RALGAPA2: variants seen among roughly 807,000 people sequenced by gnomAD.
RALGAPA2 encodes ral GTPase-activating protein subunit alpha-2.
In RALGAPA2, 139 loss-of-function variants were observed where a neutral mutation model predicts 230.4. The observed-to-expected ratio is 0.60, with a 90% confidence interval of 0.53 to 0.69. RALGAPA2 has a LOEUF of 0.69. Among genes scored for constraint, RALGAPA2 ranks in the 30% least tolerant of loss-of-function variants. RALGAPA2 has a pLI of 0.00. For missense variants in RALGAPA2, 2,163 were observed against 2,276.0 expected (o/e 0.95, Z 1.01); for synonymous variants, 847 against 837.8 (o/e 1.01, Z -0.19).
At chr20:20,539,115 G>C (rs1481409491) in intron 24 of RALGAPA2, among the ~76,000 whole-genome samples, 2 of 152,060 alleles carry the variant, frequency 1.3e-5, no homozygotes, top group African/African-American at 4.8e-5. Flanking sequence ...ATTGGCTCTA[G>C]GCTTTGGCTG....
At position 20,570,203 on chromosome 20, in the gene RALGAPA2, A is replaced by C. The variant is rs904120786; in HGVS notation, c.3156+1255T>G. On this transcript the variant is annotated intron_variant, in intron 23 of 39. Coordinates refer to ENST00000202677, the MANE Select transcript of RALGAPA2 (RefSeq NM_020343.4). ...TCTATACACTGCTAAAATCACAATG[A>C]ATATGACAGACTACTCACTAGGACA... is the stretch of plus-strand genomic sequence containing the variant. 3.9e-5 allele frequency among the ~76,000 whole-genome samples: 6 copies of C among 152,220 alleles called. No individual in the cohort carries two copies. In the East Asian group the frequency reaches 1.2e-3, roughly 29 times the overall value.
chr20:20,411,605 T>A (rs1478154308), intron 38 of RALGAPA2, among the ~76,000 whole-genome samples: 12 of 152,180 alleles, frequency 7.9e-5, no homozygotes, highest in Admixed American at 7.9e-4. Flanking sequence ...CCTGCATTAA[T>A]CCCTGACCTT....
chr20:20,444,242 C>T (rs1227612200), intron 37 of RALGAPA2, among the ~76,000 whole-genome samples: 1 of 152,050 alleles, frequency 6.6e-6, no homozygotes, highest in Non-Finnish European at 1.5e-5. Context: ...GTGTCAGATA[C>T]GTGTTAAAAA....
intron 36 of RALGAPA2, among the ~76,000 whole-genome samples, chr20:20,487,928 A>G (rs1343104106): frequency 6.6e-6 from 1 of 151,914 alleles, no homozygotes; most frequent in Non-Finnish European, 1.5e-5. Context: ...AAAAAAAAAA[A>G]AGTTTTTCTT....
intron 4 of RALGAPA2, among the ~76,000 whole-genome samples, chr20:20,646,460 T>C (rs6046977): frequency 0.95 from 144,583 of 152,262 alleles, 68,732 homozygotes; most frequent in East Asian, 1. Flanking sequence ...AACTTCTTAT[T>C]CAAACTATAA....
At chr20:20,706,758 AAATTTCC>A (rs2069625258) in intron 1 of RALGAPA2, among the ~76,000 whole-genome samples, 1 of 152,192 alleles carries the variant, frequency 6.6e-6, no homozygotes, top group Non-Finnish European at 1.5e-5. Flanking sequence ...TCTGATATGT[AAATTTCC>A]TTTTGAATCA....
rs529541544 is a variant in RALGAPA2 at position 20,653,029 on chromosome 20, A to C, written c.328+501T>G. Among the ~76,000 whole-genome samples, 11 of 151,580 alleles carry C rather than the reference A, an allele frequency of 7.3e-5. No individual in the cohort carries two copies. In the South Asian group the frequency reaches 1.9e-3, roughly 26 times the overall value. ...AACATGGTGAAACCCCATCTCTACT[A>C]AAAATACAAAAAAAAAATTAGCCGG... On this transcript the variant is annotated intron_variant, in intron 4 of 39. Coordinates refer to ENST00000202677, the MANE Select transcript of RALGAPA2 (RefSeq NM_020343.4).
intron 37 of RALGAPA2, among the ~76,000 whole-genome samples, chr20:20,457,268 G>A (rs945152060): frequency 1.3e-5 from 2 of 152,156 alleles, no homozygotes; most frequent in African/African-American, 4.8e-5. Context: ...GTTTACATGA[G>A]CCTCCAAACT....
chr20:20,640,601 A>G lies in RALGAPA2; in HGVS notation c.550+100T>C. 3 of 1,183,384 alleles carry G rather than the reference A, an allele frequency of 2.5e-6. No individual in the cohort carries two copies. In the South Asian group the frequency reaches 4.7e-5, roughly 18 times the overall value. 73.3% of individuals were successfully genotyped at this position (1,183,384 alleles called of 1,614,324 possible). A position where few individuals can be genotyped will look rare whatever the true frequency, so the allele number is the denominator to read the frequency against. On this transcript the variant is annotated intron_variant, in intron 6 of 39. Transcript: ENST00000202677. ...TGAAAGGGGAATAATTCCTCTTCAG[A>G]CTCCATCAGGATTTCTATTCAAGAA...
chr20:20,483,194 T>C (rs1214750664), intron 36 of RALGAPA2, among the ~76,000 whole-genome samples: 1 of 152,178 alleles, frequency 6.6e-6, no homozygotes, highest in Admixed American at 6.5e-5. Flanking sequence ...TACATGTTTT[T>C]ATACGTGGAG....
chr20:20,461,529 A>C (rs938942049), intron 37 of RALGAPA2, among the ~76,000 whole-genome samples: 1 of 152,210 alleles, frequency 6.6e-6, no homozygotes, highest in South Asian at 2.1e-4. Flanking sequence ...GCAGAGCATG[A>C]TAGTAAGCAG....
intron 33 of RALGAPA2, among the ~76,000 whole-genome samples, chr20:20,509,920 G>A (rs1381519977): frequency 1.3e-5 from 2 of 152,072 alleles, no homozygotes; most frequent in Non-Finnish European, 2.9e-5. Flanking sequence ...AATTCCAACT[G>A]GACTTTGCTA....
intron 36 of RALGAPA2, among the ~76,000 whole-genome samples, chr20:20,477,075 TGAGATGGGGCAC>T (rs1213178659): frequency 1.3e-5 from 2 of 152,208 alleles, no homozygotes; most frequent in Admixed American, 6.5e-5. Flanking sequence ...TATTAGTGAT[TGAGATGGGGCAC>T]GAGCAAGAAT....
chr20:20,662,218 A>G (rs2067804343), intron 3 of RALGAPA2, among the ~76,000 whole-genome samples: 1 of 152,234 alleles, frequency 6.6e-6, no homozygotes, highest in African/African-American at 2.4e-5. Context: ...ACAGGTCACA[A>G]GCAAACTCAA....
intron 20 of RALGAPA2, 61 bp downstream of exon 20, chr20:20,582,989 T>G: frequency 6.5e-7 from 1 of 1,537,682 alleles, no homozygotes; most frequent in South Asian, 1.2e-5. Context: ...AAGACTCCAA[T>G]GATTCACAAC....
At chr20:20,625,288 G>C (rs2066457414) in intron 10 of RALGAPA2, among the ~76,000 whole-genome samples, 1 of 152,148 alleles carries the variant, frequency 6.6e-6, no homozygotes, top group South Asian at 2.1e-4. Context: ...TATGTAGCTA[G>C]CCAGGCCCCA....
At chr20:20,571,355 T>C in intron 23 of RALGAPA2, 103 bp downstream of exon 23, 3 of 1,268,242 alleles carry the variant, frequency 2.4e-6, no homozygotes, top group Non-Finnish European at 3.2e-6. Flanking sequence ...TACTGAGAAA[T>C]TCAACACTTC....
At chr20:20,417,535 A>G (rs2038458) in intron 37 of RALGAPA2, among the ~76,000 whole-genome samples, 100,633 of 152,036 alleles carry the variant, frequency 0.66, 33,456 homozygotes, top group African/African-American at 0.74. Context: ...GATAACCCAG[A>G]ATGATCTCCT....
At chr20:20,581,910 T>G (rs2064995826) in intron 20 of RALGAPA2, among the ~76,000 whole-genome samples, 1 of 152,146 alleles carries the variant, frequency 6.6e-6, no homozygotes. Flanking sequence ...TTAATAACAC[T>G]CTTAACATGT....
Sources: allele counts gnomAD v4.1 joint callset (sites outside exome capture counted in the v4.1 genomes callset), GRCh38; gene constraint gnomAD v4.1.1; transcripts MANE v1.5; gene names NCBI Gene and HGNC (gene_info 2026-07-23, HGNC 2026-07-21).